The following PTCH1 variants were observed in gnomAD, a reference collection of about 807,000 sequenced individuals.
PTCH1 encodes the protein protein patched homolog 1.
Under a neutral mutation model 144.6 loss-of-function variants are expected in PTCH1, and 14 were observed. That is an observed-to-expected ratio of 0.10 (90% CI 0.06 to 0.15). PTCH1 has a LOEUF of 0.15. Ranked by LOEUF, PTCH1 falls within the 10% of genes least tolerant of loss-of-function variation. The pLI, the probability that PTCH1 is intolerant of heterozygous loss-of-function variation, is 1.00. For synonymous variants in PTCH1, 833 were observed against 793.6 expected (o/e 1.05, Z -0.83); for missense variants, 1,623 against 1,948.3 (o/e 0.83, Z 3.14).
intron 5 of PTCH1, among the ~76,000 whole-genome samples, chr9:95,480,805 G>T (rs966888956): frequency 6.6e-6 from 1 of 152,058 alleles, no homozygotes; most frequent in African/African-American, 2.4e-5. Context: ...AGCAGAGAGA[G>T]GACTCATAAG....
intron 2 of PTCH1, among the ~76,000 whole-genome samples, chr9:95,501,503 G>A (rs1261253188): frequency 2.0e-5 from 3 of 150,100 alleles, no homozygotes; most frequent in South Asian, 2.1e-4. Context: ...CACATACCAA[G>A]CATGTATTTT....
intron 15 of PTCH1, among the ~76,000 whole-genome samples, chr9:95,462,485 G>T (rs1331791227): frequency 6.6e-6 from 1 of 152,178 alleles, no homozygotes; most frequent in Admixed American, 6.5e-5. Flanking sequence ...GAGCGAACAC[G>T]ATTCTGTCAA....
rs182663119 is a variant in PTCH1, at chr9:95,507,381, G to A, written c.201+780C>T. ...GCGCGGCATTTCCCCGGCGCTGGCC[G>A]CGGCCCCGGCGGGCCCCCGTCTGGG... On this transcript the variant is annotated intron_variant, in intron 1 of 23. Coordinates refer to ENST00000331920, the MANE Select transcript of PTCH1 (RefSeq NM_000264.5). 681 of 985,460 alleles carry A rather than the reference G, an allele frequency of 6.9e-4. 6 individuals are homozygous for A. In the African/African-American group the frequency reaches 0.011, roughly 16 times the overall value. The allele number at this position is 985,460 out of a possible 1,614,324, so 61.0% of individuals were successfully genotyped here.
chr9:95,489,268 C>T (rs111905639), intron 2 of PTCH1, among the ~76,000 whole-genome samples: 150 of 152,312 alleles, frequency 9.8e-4, no homozygotes, highest in African/African-American at 3.4e-3. Flanking sequence ...AAGTGTGAAG[C>T]TTTGAGCTCA....
At position 95,446,215 on chromosome 9, in the gene PTCH1, A is replaced by G. The variant is rs1837864920; in HGVS notation, c.*178T>C. 2.6e-6 allele frequency: 1 copy of G among 383,608 alleles called. No homozygotes were observed. The highest frequency in any genetic ancestry group is 2.1e-5 in the African/African-American group (1 of 47,350). The allele number at this position is 383,608 out of a possible 1,614,324, so 23.8% of individuals were successfully genotyped here. A position where few individuals can be genotyped will look rare whatever the true frequency, so the allele number is the denominator to read the frequency against. ...ATATTACACATGTGTACATCTCTTA[A>G]ATATTTATAGAAATATTTAACAAAA... On this transcript the variant is annotated 3_prime_UTR_variant, in exon 24 of 24. Coordinates refer to ENST00000331920, the MANE Select transcript of PTCH1 (RefSeq NM_000264.5).
intron 2 of PTCH1, among the ~76,000 whole-genome samples, chr9:95,492,205 G>C (rs936530791): frequency 7.9e-5 from 12 of 152,216 alleles, no homozygotes; most frequent in Non-Finnish European, 1.5e-4. Flanking sequence ...TGCAGGTGGA[G>C]ACCGGAAGCT....
chr9:95,494,362 T>C (rs1842653419), intron 2 of PTCH1: 2 of 985,410 alleles, frequency 2.0e-6, no homozygotes, highest in South Asian at 9.4e-5. Context: ...AGCCACGAGT[T>C]CCCGAGACGA....
In PTCH1 at chr9:95,458,835, A is replaced by G. The variant is rs1564020492; in HGVS notation, c.2888-542T>C. On this transcript the variant is annotated intron_variant, in intron 17 of 23. Transcript: ENST00000331920. The surrounding 1 kb of genome is among the most constrained non-coding windows in gnomAD (Gnocchi z 4.7). ...TGTTCCAGACCCTCTGGGGTCATTC[A>G]GTTGACTTGCTAAACATGATTTGCC... Among the ~76,000 whole-genome samples, 2 of 152,240 alleles carry G rather than the reference A, an allele frequency of 1.3e-5. No individual in the cohort carries two copies. Among genetic ancestry groups the G allele is most frequent in the African/African-American group, 4.8e-5 (2 of 41,464 alleles).
chr9:95,468,387 C>T (rs1840228060), intron 14 of PTCH1, among the ~76,000 whole-genome samples: 1 of 152,160 alleles, frequency 6.6e-6, no homozygotes, highest in Non-Finnish European at 1.5e-5. Context: ...TTTGTAGAGA[C>T]AGGGTTGGCC....
intron 20 of PTCH1, chr9:95,452,356 C>A (rs199852246): frequency 4.0e-5 from 6 of 150,910 alleles, no homozygotes; most frequent in Admixed American, 1.3e-4. Context: ...CACACACACA[C>A]AACCTCTCAG....
chr9:95,507,604 G>A (rs979606752), intron 1 of PTCH1: 5 of 339,646 alleles, frequency 1.5e-5, no homozygotes, highest in Non-Finnish European at 2.1e-5. Context: ...ATTTTTTAAG[G>A]GAGCAGAGAT....
intron 2 of PTCH1, chr9:95,494,186 A>C: frequency 1.0e-6 from 1 of 984,688 alleles, no homozygotes; most frequent in South Asian, 4.7e-5. Context: ...CCCCGCCCCC[A>C]CCAGCTGCTG....
At chr9:95,477,492 C>T in intron 10 of PTCH1, 55 bp downstream of exon 10, 1 of 1,613,084 alleles carries the variant, frequency 6.2e-7, no homozygotes, top group Non-Finnish European at 8.5e-7. Flanking sequence ...TGGGCCAAGC[C>T]TGGGGGCCGG....
chr9:95,511,164 C>G (rs1281149712), upstream of PTCH1, among the ~76,000 whole-genome samples: 2 of 149,948 alleles, frequency 1.3e-5, no homozygotes, highest in Admixed American at 6.6e-5. Context: ...TGCGGCGGGG[C>G]GCGCCGGCCA....
chr9:95,465,052 C>T (rs1195738780), intron 15 of PTCH1, among the ~76,000 whole-genome samples: 1 of 151,746 alleles, frequency 6.6e-6, no homozygotes, highest in Non-Finnish European at 1.5e-5. Flanking sequence ...ATGCTGTTCA[C>T]ACAGCAATCA....
intron 2 of PTCH1, among the ~76,000 whole-genome samples, chr9:95,488,491 T>C (rs1201145731): frequency 1.3e-5 from 2 of 152,248 alleles, no homozygotes; most frequent in Non-Finnish European, 2.9e-5. Flanking sequence ...TATTTCATCT[T>C]ATATTTAACC....
At chr9:95,507,354 C>T (rs1364362142) in intron 1 of PTCH1, 7 of 985,394 alleles carry the variant, frequency 7.1e-6, no homozygotes, top group Middle Eastern at 5.2e-4. Context: ...GGCTGCTCCC[C>T]GGCGCGGCAT....
Position 95,461,990 on chromosome 9 carries a change from C to A in PTCH1, c.2569G>T (p.Asp857Tyr). 6.2e-7 allele frequency: 1 copy of A among 1,614,174 alleles called. No individual in the cohort carries two copies. The highest frequency in any genetic ancestry group is 8.5e-7 in the Non-Finnish European group (1 of 1,180,038). Reference protein sequence around the residue: ...YFRDWLQGLQDAFDSDWETGK... With the variant: ...YFRDWLQGLQYAFDSDWETGK... ...GTTTCCCAGTCACTGTCAAATGCAT[C>A]CTGAAGTCCTAGAAATGGCAAATGA... Residue 857 changes from aspartate to tyrosine, a missense_variant, in exon 16 of 24, where the codon GAT (aspartate) becomes TAT (tyrosine). By Grantham distance (160) the Asp-to-Tyr change is radical (BLOSUM62 -3). This residue lies in a region of PTCH1 where 504 missense variants were observed against 679.3 expected (regional missense o/e 0.74). Coordinates refer to ENST00000331920, the MANE Select transcript of PTCH1 (RefSeq NM_000264.5).
chr9:95,465,908 T>C (rs1839953543), intron 15 of PTCH1, among the ~76,000 whole-genome samples: 1 of 152,224 alleles, frequency 6.6e-6, no homozygotes, highest in Non-Finnish European at 1.5e-5. Context: ...GCAGAATAAA[T>C]GAACAGATGT....
Sources: gnomAD v4.1 joint callset for allele counts (sites outside exome capture counted in the v4.1 genomes callset) on GRCh38, gnomAD v4.1.1 for gene constraint, gnomAD v4.1.1 regional missense constraint, Gnocchi (gnomAD v3.1) non-coding constraint, MANE v1.5 for transcripts, NCBI Gene and HGNC (gene_info 2026-07-23, HGNC 2026-07-21) for gene names.